The following CADM3 variants were observed in gnomAD, a reference collection of about 807,000 sequenced individuals.
CADM3 encodes the protein TSLC1-like 1.
In CADM3, 11 loss-of-function variants were observed where a neutral mutation model predicts 44.9. The observed-to-expected ratio is 0.25, with a 90% CI of 0.15 to 0.41. The LOEUF (loss-of-function observed/expected upper bound fraction) is 0.41, where lower values mean the gene tolerates loss of function less well. Ranked by LOEUF, CADM3 falls within the 10% of genes least tolerant of loss-of-function variation. The pLI, the probability that CADM3 is intolerant of heterozygous loss-of-function variation, is 1.00. For synonymous variants in CADM3, 207 were observed against 205.2 expected (o/e 1.01, Z -0.08); for missense variants, 426 against 512.0 (o/e 0.83, Z 1.62).
Position 159,193,942 on chromosome 1 carries a change from T to G in CADM3, c.593T>G (p.Val198Gly). Reference protein sequence around the residue: ...FTVSSSVTFQVTREDDGASIV... With the variant: ...FTVSSSVTFQGTREDDGASIV... Reference sequence around the variant, plus strand: ...GTCAGCAGCTCGGTGACATTCCAGGTTACCCGGGAGGATGATGGGGCGAGC... The same window carrying G: ...GTCAGCAGCTCGGTGACATTCCAGGGTACCCGGGAGGATGATGGGGCGAGC... Residue 198 changes from valine to glycine, a missense_variant, in exon 5 of 9, where the codon GTT becomes GGT. This residue lies in a region of CADM3 where 362 missense variants were observed against 474.6 expected (regional missense o/e 0.76). Transcript: ENST00000368125. 1 of 1,614,174 alleles carries G rather than the reference T, an allele frequency of 6.2e-7. No homozygotes were observed. The highest frequency in any genetic ancestry group is 8.5e-7 in the Non-Finnish European group (1 of 1,180,040).
chr1:159,188,030 T>C (rs1649487947), intron 1 of CADM3, among the ~76,000 whole-genome samples: 1 of 152,052 alleles, frequency 6.6e-6, no homozygotes, highest in African/African-American at 2.4e-5. Flanking sequence ...CTCTGTTTTC[T>C]CCGCTTTACT....
At chr1:159,176,415 A>C (rs77182921) in intron 1 of CADM3, among the ~76,000 whole-genome samples, 1 of 152,216 alleles carries the variant, frequency 6.6e-6, no homozygotes, top group Admixed American at 6.5e-5. Flanking sequence ...TGCTTACAAA[A>C]GACAGAGAGA....
At chr1:159,192,433 A>T (rs1649703804) in intron 2 of CADM3, 145 bp from the exon 3 acceptor site, 1 of 885,990 alleles carries the variant, frequency 1.1e-6, no homozygotes, top group Non-Finnish European at 1.8e-6. Context: ...TGAATAACTT[A>T]AAGACTGCTT....
At chr1:159,184,462 C>T (rs903658195) in intron 1 of CADM3, among the ~76,000 whole-genome samples, 1 of 152,206 alleles carries the variant, frequency 6.6e-6, no homozygotes, top group Non-Finnish European at 1.5e-5. Flanking sequence ...CCATCATCAT[C>T]AACTCCTACT....
rs1296149237 is a variant in CADM3, at chr1:159,202,453, T to G, written c.*1531T>G. Reference sequence around the variant, plus strand: ...CTTTGCTATGCACCTCTCAGGCCTCTCCTTGGCGTTGACCCTGGAAAGACC... The same window carrying G: ...CTTTGCTATGCACCTCTCAGGCCTCGCCTTGGCGTTGACCCTGGAAAGACC... On this transcript the variant is annotated 3_prime_UTR_variant, in exon 9 of 9. Transcript: ENST00000368125. 2 of 152,694 alleles carry G rather than the reference T, an allele frequency of 1.3e-5. No individual in the cohort carries two copies. Among genetic ancestry groups the G allele is most frequent in the Non-Finnish European group, 2.9e-5 (2 of 68,338 alleles). 9.5% of individuals were successfully genotyped at this position (152,694 alleles called of 1,614,324 possible).
chr1:159,187,408 G>A (rs1649460218), intron 1 of CADM3, among the ~76,000 whole-genome samples: 1 of 152,168 alleles, frequency 6.6e-6, no homozygotes, highest in African/African-American at 2.4e-5. Flanking sequence ...AGCCCCCAAA[G>A]CACCATCAGA....
At position 159,192,615 on chromosome 1, in the gene CADM3, G is replaced by A. The variant is rs146412590; in HGVS notation, c.267G>A (p.Thr89=). The A allele has an allele frequency of 3.2e-4, 514 of 1,614,010 alleles. 7 individuals carry two copies. The African/African-American group carries it at 6.0e-3, about 19-fold the overall frequency. ...RDNRIQLVTS[T]PHELSISISN... ...ATCGAATTCAGCTGGTTACCTCTAC[G>A]CCCCACGAGCTCAGCATCAGCATCA... Residue 89 remains threonine (T), a synonymous_variant, in exon 3 of 9, where the codon ACG becomes ACA. Transcript: ENST00000368125.
intron 7 of CADM3, chr1:159,197,902 GA>G (rs1649973540): frequency 6.6e-6 from 1 of 152,236 alleles, no homozygotes; most frequent in Non-Finnish European, 1.5e-5. Context: ...CTGGATGGGT[GA>G]TTCCCACTCC....
chr1:159,187,853 T>C (rs1326120160), intron 1 of CADM3, among the ~76,000 whole-genome samples: 2 of 152,038 alleles, frequency 1.3e-5, no homozygotes, highest in African/African-American at 2.4e-5. Context: ...CAGAAGGTAG[T>C]AGGGTGAGTG....
At chr1:159,193,764 C>A in intron 4 of CADM3, 106 bp from the exon 5 acceptor site, 2 of 1,489,400 alleles carry the variant, frequency 1.3e-6, no homozygotes, top group Non-Finnish European at 1.9e-6. Context: ...GGTTGAGACT[C>A]ACCATCTGTA....
At chr1:159,196,475 G>A (rs1649897785) in intron 6 of CADM3, 21 bp downstream of exon 6, 1 of 1,597,638 alleles carries the variant, frequency 6.3e-7, no homozygotes, top group Non-Finnish European at 8.6e-7. Context: ...CCATTTCCTG[G>A]TCTCCTCCTT....
At chr1:159,189,838 A>T (rs1351783322) in intron 1 of CADM3, 1 of 1,605,642 alleles carries the variant, frequency 6.2e-7, no homozygotes, top group South Asian at 1.1e-5. Context: ...TCAGCTCCAC[A>T]GTCTGGAGCA....
chr1:159,200,111 A>G (rs1037069938), intron 8 of CADM3, among the ~76,000 whole-genome samples: 1 of 152,060 alleles, frequency 6.6e-6, no homozygotes, highest in African/African-American at 2.4e-5. Flanking sequence ...GTGAAATCAA[A>G]CCTTCCCACT....
chr1:159,183,094 C>A (rs1649293017), intron 1 of CADM3, among the ~76,000 whole-genome samples: 1 of 152,144 alleles, frequency 6.6e-6, no homozygotes, highest in Non-Finnish European at 1.5e-5. Flanking sequence ...AGGATGGAAC[C>A]AAAAGATGTC....
At chr1:159,176,243 A>C (rs929414144) in intron 1 of CADM3, among the ~76,000 whole-genome samples, 2 of 152,100 alleles carry the variant, frequency 1.3e-5, no homozygotes, top group African/African-American at 4.8e-5. Context: ...AGTTATTATA[A>C]AGTTTTGGTA....
rs1299214820 is a variant in CADM3 at position 159,192,608 on chromosome 1, C to T, written c.260C>T (p.Thr87Ile). The T allele has an allele frequency of 1.2e-6, 2 of 1,614,032 alleles. No homozygotes were observed. Among genetic ancestry groups the T allele is most frequent in the Admixed American group, 1.7e-5 (1 of 60,002 alleles). Residue 87 changes from threonine (T) to isoleucine (I), a missense_variant, in exon 3 of 9, where the codon ACC (threonine) becomes ATC (isoleucine). Physicochemically the swap from Thr to Ile is moderately conservative, Grantham distance 89. This residue lies in a region of CADM3 where 362 missense variants were observed against 474.6 expected (regional missense o/e 0.76). Transcript: ENST00000368125. Reference sequence around the variant, plus strand: ...CGAGATAATCGAATTCAGCTGGTTACCTCTACGCCCCACGAGCTCAGCATC... The same window carrying T: ...CGAGATAATCGAATTCAGCTGGTTATCTCTACGCCCCACGAGCTCAGCATC... ...ALRDNRIQLV[T>I]STPHELSISI...
intron 1 of CADM3, 104 bp from the exon 2 acceptor site, chr1:159,191,832 A>ACAAGGTCTCTGTGTACC: frequency 7.2e-7 from 1 of 1,381,678 alleles, no homozygotes; most frequent in Non-Finnish European, 1.0e-6. Flanking sequence ...CCTTGTGTAC[A>ACAAGGTCTCTGTGTACC]CAAGGGCCTT....
chr1:159,199,259 T>G (rs553292369), intron 7 of CADM3, among the ~76,000 whole-genome samples: 1 of 149,882 alleles, frequency 6.7e-6, no homozygotes, highest in East Asian at 2.0e-4. Context: ...TAAGAGGGAA[T>G]GGGGACAGAG....
rs1648914062 is a variant in CADM3 at position 159,173,727 on chromosome 1, G to T, written c.88+1874G>T. ...GAGTTTTATGACGAGAGGCAAATAT[G>T]ATCCAAACTGCAACTGTTCAGCAAT... On this transcript the variant is annotated intron_variant, in intron 1 of 8. Transcript: ENST00000368125. Among the ~76,000 whole-genome samples the T allele has an allele frequency of 1.3e-5, 2 of 152,256 alleles. 1 individual carries two copies. Among genetic ancestry groups the T allele is most frequent in the Middle Eastern group, 6.8e-3 (2 of 294 alleles).
Sources: gnomAD v4.1 joint callset for allele counts (sites outside exome capture counted in the v4.1 genomes callset) on GRCh38, gnomAD v4.1.1 for gene constraint, gnomAD v4.1.1 regional missense constraint, MANE v1.5 for transcripts, NCBI Gene and HGNC (gene_info 2026-07-23, HGNC 2026-07-21) for gene names.